GNAQ: variants seen among roughly 807,000 people sequenced by gnomAD.
GNAQ encodes the protein guanine nucleotide-binding protein G(q) subunit alpha.
GNAQ carries 8 observed loss-of-function variants against 43.9 expected under a neutral mutation model. The ratio of observed to expected loss-of-function variants is 0.18; its 90% CI spans 0.11 to 0.33. The LOEUF (loss-of-function observed/expected upper bound fraction) is 0.33, where lower values mean the gene tolerates loss of function less well. Ranked by LOEUF, GNAQ falls within the 10% of genes least tolerant of loss-of-function variation. The probability of loss-of-function intolerance (pLI) is 1.00; values close to 1 mark genes in which losing one functional copy is unlikely to be tolerated. For missense variants in GNAQ, 158 were observed against 450.8 expected (o/e 0.35, Z 5.88); for synonymous variants, 155 against 170.7 (o/e 0.91, Z 0.71).
At chr9:77,792,686 T>C (rs763412599) in intron 5 of GNAQ, among the ~76,000 whole-genome samples, 12 of 152,104 alleles carry the variant, frequency 7.9e-5, no homozygotes, top group Non-Finnish European at 1.6e-4. Flanking sequence ...TACTTCTTCA[T>C]ATATATATAA....
At position 77,937,231 on chromosome 9, in the gene GNAQ, C is replaced by T. The variant is rs967028078; in HGVS notation, c.137-14886G>A. Among the ~76,000 whole-genome samples, 65 of 151,610 alleles carry T rather than the reference C, an allele frequency of 4.3e-4. 2 individuals carry two copies. Among genetic ancestry groups the T allele is most frequent in the African/African-American group, 4.9e-4 (20 of 41,228 alleles). On this transcript the variant is annotated intron_variant, in intron 1 of 6. Coordinates refer to ENST00000286548, the MANE Select transcript of GNAQ (RefSeq NM_002072.5). ...GCCAAAGGGGCAGATCACTTGAGGT[C>T]GAGTTCGACACCAGCCTGGCCAACA...
chr9:77,991,716 C>G (rs1379991914), intron 1 of GNAQ, among the ~76,000 whole-genome samples: 2 of 152,108 alleles, frequency 1.3e-5, no homozygotes, highest in African/African-American at 4.8e-5. Context: ...ATCCCTCACC[C>G]CCGTCCCATG....
At chr9:78,010,949 GC>G in intron 1 of GNAQ, among the ~76,000 whole-genome samples, 1 of 152,276 alleles carries the variant, frequency 6.6e-6, no homozygotes, top group East Asian at 1.9e-4. Context: ...GAACAACATA[GC>G]CAACAGATCT....
chr9:77,964,272 A>T (rs923077233), intron 1 of GNAQ, among the ~76,000 whole-genome samples: 2 of 152,208 alleles, frequency 1.3e-5, no homozygotes, highest in Admixed American at 1.3e-4. Flanking sequence ...AAATATGAGA[A>T]GCAAACAATG....
chr9:78,021,103 G>A (rs1823903684), intron 1 of GNAQ, among the ~76,000 whole-genome samples: 2 of 144,478 alleles, frequency 1.4e-5, no homozygotes, highest in Admixed American at 1.4e-4. Flanking sequence ...AAGCTGGAGT[G>A]CAGTGGCACG....
intron 1 of GNAQ, among the ~76,000 whole-genome samples, chr9:77,958,276 A>C (rs1035018113): frequency 6.6e-6 from 1 of 152,194 alleles, no homozygotes; most frequent in African/African-American, 2.4e-5. Context: ...ATATAGATGT[A>C]CTTTTTCCAT....
chr9:77,957,525 G>A (rs1823057919), intron 1 of GNAQ, among the ~76,000 whole-genome samples: 1 of 152,138 alleles, frequency 6.6e-6, no homozygotes, highest in Admixed American at 6.6e-5. Flanking sequence ...GAAAGCAACT[G>A]ATGAGAAGTG....
chr9:77,800,572 G>T (rs890434782), intron 3 of GNAQ, among the ~76,000 whole-genome samples: 2 of 152,182 alleles, frequency 1.3e-5, no homozygotes, highest in African/African-American at 4.8e-5. Flanking sequence ...GGGGACTGCT[G>T]TGGGGGGAGG....
At chr9:77,926,805 A>C (rs978508225) in intron 1 of GNAQ, among the ~76,000 whole-genome samples, 7 of 152,178 alleles carry the variant, frequency 4.6e-5, no homozygotes, top group African/African-American at 1.7e-4. Context: ...ATCTCAGCTC[A>C]TCTAAATACC....
intron 1 of GNAQ, among the ~76,000 whole-genome samples, chr9:77,953,768 T>C (rs116260555): frequency 0.064 from 9,775 of 152,216 alleles, 355 homozygotes; most frequent in African/African-American, 0.083. Context: ...GTTGTGGCTA[T>C]CAAAACTAAG....
chr9:77,962,250 A>G (rs1823115366), intron 1 of GNAQ, among the ~76,000 whole-genome samples: 1 of 152,176 alleles, frequency 6.6e-6, no homozygotes, highest in Non-Finnish European at 1.5e-5. Flanking sequence ...ATATAAAAGG[A>G]AAAATATTTG....
At chr9:77,858,339 T>C (rs1827792949) in intron 2 of GNAQ, among the ~76,000 whole-genome samples, 1 of 152,136 alleles carries the variant, frequency 6.6e-6, no homozygotes, top group East Asian at 1.9e-4. Flanking sequence ...TTGAAGACCA[T>C]TGCTCTAAAT....
intron 5 of GNAQ, among the ~76,000 whole-genome samples, chr9:77,769,334 G>A (rs1269640060): frequency 6.6e-6 from 1 of 151,746 alleles, no homozygotes; most frequent in Non-Finnish European, 1.5e-5. Flanking sequence ...CCTGGGAAAT[G>A]GAGGTTGCAG....
intron 5 of GNAQ, among the ~76,000 whole-genome samples, chr9:77,744,294 GA>G (rs1825697281): frequency 6.6e-6 from 1 of 152,168 alleles, no homozygotes; most frequent in South Asian, 2.1e-4. Flanking sequence ...ACTGTGGGAA[GA>G]ATGGATCCGA....
chr9:77,870,324 GTTTT>G (rs781464413), intron 2 of GNAQ, among the ~76,000 whole-genome samples: 1 of 111,130 alleles, frequency 9.0e-6, no homozygotes. Flanking sequence ...TTTGGTGCTA[GTTTT>G]TTTTTTTTTT....
intron 5 of GNAQ, among the ~76,000 whole-genome samples, chr9:77,762,639 G>GT (rs1158517787): frequency 6.6e-6 from 1 of 151,470 alleles, no homozygotes; most frequent in African/African-American, 2.4e-5. Flanking sequence ...GACAATGGTG[G>GT]TTTTGTGGAA....
chr9:77,896,532 A>G (rs1361907736), intron 2 of GNAQ, among the ~76,000 whole-genome samples: 1 of 152,084 alleles, frequency 6.6e-6, no homozygotes, highest in African/African-American at 2.4e-5. Context: ...TACAACGACA[A>G]TGCCAACTGT....
intron 1 of GNAQ, among the ~76,000 whole-genome samples, chr9:77,937,998 G>C (rs532751453): frequency 1.3e-5 from 2 of 152,048 alleles, no homozygotes; most frequent in South Asian, 2.1e-4. Context: ...GGTATCAAGG[G>C]GATTGTTTCC....
chr9:77,858,539 T>C (rs1237989713), intron 2 of GNAQ, among the ~76,000 whole-genome samples: 1 of 152,106 alleles, frequency 6.6e-6, no homozygotes, highest in Admixed American at 6.5e-5. Flanking sequence ...TGGAAACAAC[T>C]CTTTCAGAGG....
Sources: gnomAD v4.1 joint callset for allele counts (sites outside exome capture counted in the v4.1 genomes callset) on GRCh38, gnomAD v4.1.1 for gene constraint, MANE v1.5 for transcripts, NCBI Gene and HGNC (gene_info 2026-07-23, HGNC 2026-07-21) for gene names.